Variants in ZNF267 observed in about 807,000 individuals in gnomAD.
The protein encoded by ZNF267 is zinc finger protein 267.
ZNF267 carries 61 observed loss-of-function variants against 71.6 expected under a neutral mutation model. That is an observed-to-expected ratio of 0.85 (90% CI 0.69 to 1.05). The LOEUF (loss-of-function observed/expected upper bound fraction) is 1.05. ZNF267 is among the 50% of genes least tolerant of loss of function. The pLI is 0.00. For missense variants in ZNF267, 852 were observed against 870.0 expected, an observed-to-expected ratio of 0.98 and a Z score of 0.26; for synonymous variants, 288 against 293.2, an observed-to-expected ratio of 0.98 and a Z score of 0.18.
intron 3 of ZNF267, among the ~76,000 whole-genome samples, chr16:31,905,066 A>G (rs1567236972): frequency 6.6e-6 from 1 of 152,120 alleles, no homozygotes; most frequent in Non-Finnish European, 1.5e-5. Context: ...GCTGGATATG[A>G]AATTCTGGGT....
intron 1 of ZNF267, among the ~76,000 whole-genome samples, chr16:31,876,041 G>A (rs1228524025): frequency 6.6e-6 from 1 of 152,088 alleles, no homozygotes; most frequent in Non-Finnish European, 1.5e-5. Context: ...AAGAAACAGA[G>A]AAAATCTTTC....
rs12598568 is a variant in ZNF267 at position 31,904,059 on chromosome 16, A to C, written c.227-10417A>C. On this transcript the variant is annotated intron_variant, in intron 3 of 3. Transcript: ENST00000300870. ...TTCGTTATGTATCCAGTAGTCATTC[A>C]GGAGCAGGTTGTTCAGTTTCCATGT... 8.7e-4 allele frequency among the ~76,000 whole-genome samples: 133 copies of C among 152,354 alleles called. 2 individuals carry two copies. In the East Asian group the frequency reaches 0.021, roughly 24 times the overall value.
rs2084163268 is a variant in ZNF267 at position 31,915,051 on chromosome 16, A to G, written c.802A>G (p.Lys268Glu). The G allele has an allele frequency of 6.2e-7, 1 of 1,613,024 alleles. No homozygotes were observed. The highest frequency in any genetic ancestry group is 8.5e-7 in the Non-Finnish European group (1 of 1,179,676). Residue 268 changes from lysine (K) to glutamate (E), a missense_variant, in exon 4 of 4, where the codon AAA becomes GAA. By Grantham distance (56) the Lys-to-Glu change is moderately conservative. Transcript: ENST00000300870. The part of the protein sequence containing the change: ...HGQEKQEQSY[K>E]CNKCVEVCTQ... The stretch of plus-strand genomic sequence containing the variant: ...GCAAGAGAAACAAGAACAGTCTTAC[A>G]AATGTAATAAATGTGTAGAAGTTTG...
At chr16:31,896,069 T>C (rs1407623557) in intron 3 of ZNF267, among the ~76,000 whole-genome samples, 1 of 152,224 alleles carries the variant, frequency 6.6e-6, no homozygotes, top group African/African-American at 2.4e-5. Flanking sequence ...TAGAGTGAAG[T>C]AGCATGATCA....
intron 3 of ZNF267, among the ~76,000 whole-genome samples, chr16:31,900,193 C>T (rs984289950): frequency 9.2e-5 from 14 of 151,508 alleles, no homozygotes; most frequent in East Asian, 1.9e-4. Context: ...GTCACACACA[C>T]GAGAAAGTGT....
chr16:31,879,158 C>T (rs2083873331), intron 1 of ZNF267, among the ~76,000 whole-genome samples: 1 of 152,178 alleles, frequency 6.6e-6, no homozygotes, highest in Non-Finnish European at 1.5e-5. Context: ...TCTAGGAGGG[C>T]AGGCACCTGG....
At chr16:31,894,450 T>TA in intron 3 of ZNF267, 3 of 447,900 alleles carry the variant, frequency 6.7e-6, no homozygotes, top group South Asian at 3.5e-5. Context: ...CTCCACCTGT[T>TA]AGTGTTTTTT....
At chr16:31,895,798 C>T (rs1165876982) in intron 3 of ZNF267, among the ~76,000 whole-genome samples, 1 of 152,124 alleles carries the variant, frequency 6.6e-6, no homozygotes. Flanking sequence ...TAAGGTCTTC[C>T]ACACATTTTA....
chr16:31,873,960 C>T lies in ZNF267; in HGVS notation c.-7C>T. On this transcript the variant is annotated 5_prime_UTR_variant, in exon 1 of 4. Coordinates refer to ENST00000300870, the MANE Select transcript of ZNF267 (RefSeq NM_003414.6). Reference sequence around the variant, plus strand: ...CTAAGACGCCAGGGCATCCCGGAAGCTGGGAAATGGTGAGTGTGCGGGGTC... The same window carrying T: ...CTAAGACGCCAGGGCATCCCGGAAGTTGGGAAATGGTGAGTGTGCGGGGTC... 2 of 1,613,540 alleles carry T rather than the reference C, an allele frequency of 1.2e-6. No individual in the cohort carries two copies. Among genetic ancestry groups the T allele is most frequent in the Non-Finnish European group, 8.5e-7 (1 of 1,179,620 alleles).
At chr16:31,905,338 G>T (rs191033953) in intron 3 of ZNF267, among the ~76,000 whole-genome samples, 1 of 146,748 alleles carries the variant, frequency 6.8e-6, no homozygotes. Context: ...TGCCTGCCTT[G>T]CTGGATTGGG....
chr16:31,883,396 A>G (rs1188644778), intron 1 of ZNF267, among the ~76,000 whole-genome samples: 3 of 152,194 alleles, frequency 2.0e-5, no homozygotes. Context: ...TAGTGTGTAT[A>G]TAGTTACCAT....
rs2084181649 is a variant in ZNF267, at chr16:31,916,761, C to T, written c.*280C>T. 6.1e-6 allele frequency: 2 copies of T among 326,140 alleles called. No homozygotes were observed. Among genetic ancestry groups the T allele is most frequent in the South Asian group, 1.0e-4 (2 of 20,024 alleles). The allele number at this position is 326,140 out of a possible 1,614,324, so 20.2% of individuals were successfully genotyped here. On this transcript the variant is annotated 3_prime_UTR_variant, in exon 4 of 4. Transcript: ENST00000300870. ...ATGTGAAAAGTTTTATTCAAAATAT[C>T]AAACTTATGAGTCACCTAGGGGTTC...
intron 3 of ZNF267, among the ~76,000 whole-genome samples, chr16:31,893,856 G>C (rs2083977862): frequency 1.3e-5 from 2 of 152,210 alleles, no homozygotes; most frequent in East Asian, 3.9e-4. Context: ...ATGGGTGAGA[G>C]GTGAAGAAGG....
At chr16:31,874,082 C>T in intron 1 of ZNF267, 113 bp downstream of exon 1, 2 of 1,233,532 alleles carry the variant, frequency 1.6e-6, no homozygotes, top group Non-Finnish European at 2.3e-6. Context: ...GGGGTCTGGG[C>T]CCCGAGTCCC....
At chr16:31,912,977 A>G (rs2084146588) in intron 3 of ZNF267, 1 of 151,916 alleles carries the variant, frequency 6.6e-6, no homozygotes, top group Non-Finnish European at 1.5e-5. Flanking sequence ...AAAGTTACTT[A>G]TTTTGTTTCT....
chr16:31,874,149 A>G, intron 1 of ZNF267, 180 bp downstream of exon 1: 1 of 647,868 alleles, frequency 1.5e-6, no homozygotes, highest in South Asian at 1.9e-5. Flanking sequence ...CCAGGCCGGC[A>G]GCCGGGACCC....
chr16:31,887,925 G>C (rs1287057692), intron 3 of ZNF267, among the ~76,000 whole-genome samples: 1 of 151,998 alleles, frequency 6.6e-6, no homozygotes, highest in Non-Finnish European at 1.5e-5. Flanking sequence ...CCATTAAAAT[G>C]TCAATACAGA....
chr16:31,896,293 T>C (rs951824004), intron 3 of ZNF267, among the ~76,000 whole-genome samples: 6 of 152,214 alleles, frequency 3.9e-5, no homozygotes, highest in African/African-American at 1.2e-4. Context: ...ATTACAGGCA[T>C]GAGCGAGCCA....
At chr16:31,904,207 C>G (rs890418204) in intron 3 of ZNF267, among the ~76,000 whole-genome samples, 14 of 152,144 alleles carry the variant, frequency 9.2e-5, no homozygotes, top group South Asian at 2.1e-4. Context: ...TTACTTCCAA[C>G]TATGTGGTCA....
Sources: gnomAD v4.1 joint callset for allele counts (sites outside exome capture counted in the v4.1 genomes callset) on GRCh38, gnomAD v4.1.1 for gene constraint, MANE v1.5 for transcripts, NCBI Gene and HGNC (gene_info 2026-07-23, HGNC 2026-07-21) for gene names.